Variants in PPARA observed in about 807,000 individuals in gnomAD.
PPARA encodes peroxisome proliferator activated receptor alpha.
PPARA carries 22 observed loss-of-function variants against 42.2 expected under a neutral mutation model. That is an observed-to-expected ratio of 0.52 (90% CI 0.37 to 0.74). PPARA has a LOEUF of 0.74. PPARA is among the 30% of genes least tolerant of loss of function. The pLI, the probability that PPARA is intolerant of heterozygous loss-of-function variation, is 0.00. For missense variants in PPARA, 465 were observed against 608.2 expected (o/e 0.76, Z 2.48); for synonymous variants, 242 against 239.3 (o/e 1.01, Z -0.10).
rs911631804 is a variant in PPARA, at chr22:46,195,092, G to A, written c.-42-3250G>A. Among the ~76,000 whole-genome samples the A allele has an allele frequency of 2.7e-5, 4 of 149,398 alleles. No homozygotes were observed. Among genetic ancestry groups the A allele is most frequent in the Non-Finnish European group, 3.0e-5 (2 of 67,492 alleles). The stretch of plus-strand genomic sequence containing the variant: ...TAATTTTTGTATTTTTAGTAGAGAC[G>A]GGGTTTCACCCTGTTGGCCAGGCTG... On this transcript the variant is annotated intron_variant, in intron 3 of 8. Transcript: ENST00000407236. This position sits in a 1 kb window ranked among gnomAD's most constrained non-coding sequence, Gnocchi z 4.6.
At chr22:46,198,303 T>C (rs1932560274) in intron 3 of PPARA, 39 bp from the exon 4 acceptor site, 1 of 1,053,260 alleles carries the variant, frequency 9.5e-7, no homozygotes, top group Non-Finnish European at 1.5e-6. Flanking sequence ...TGAACGTTGT[T>C]ATACGTCAGT....
chr22:46,158,086 C>G (rs1384234020), intron 2 of PPARA, among the ~76,000 whole-genome samples: 2 of 152,054 alleles, frequency 1.3e-5, no homozygotes, highest in Non-Finnish European at 2.9e-5. Flanking sequence ...AGTTCCCCCA[C>G]CCCCTTTCAT....
At position 46,156,340 on chromosome 22, in the gene PPARA, G is replaced by A. The variant is rs1925287085; in HGVS notation, c.-127+4370G>A. The A allele has an allele frequency of 6.6e-6, 1 of 152,194 alleles. No homozygotes were observed. Among genetic ancestry groups the A allele is most frequent in the African/African-American group, 2.4e-5 (1 of 41,422 alleles). 9.4% of individuals were successfully genotyped at this position (152,194 alleles called of 1,614,324 possible). On this transcript the variant is annotated intron_variant, in intron 2 of 8. Transcript: ENST00000407236. This position sits in a 1 kb window ranked among gnomAD's most constrained non-coding sequence, Gnocchi z 5.2. Reference sequence around the variant, plus strand: ...CCATACCACCTCTCTGAAGGGCTGTGAAGCTCGAAGTGGCAGCTTAAAAAA... The same window carrying A: ...CCATACCACCTCTCTGAAGGGCTGTAAAGCTCGAAGTGGCAGCTTAAAAAA...
In PPARA at chr22:46,177,036, CT is replaced by C. The variant is rs530556389; in HGVS notation, c.-43+201del. On this transcript the variant is annotated intron_variant, in intron 3 of 8. Transcript: ENST00000407236. ...CCATCCTGGCTAACACAGTGAAACC[CT>C]GTCTCTACTACAAATACAAAAAAAT... Among the ~76,000 whole-genome samples, 17 of 152,250 alleles carry C rather than the reference CT, an allele frequency of 1.1e-4. No homozygotes were observed. In the South Asian group the frequency reaches 3.1e-3, roughly 28 times the overall value.
At chr22:46,168,189 A>G (rs1927375652) in intron 2 of PPARA, among the ~76,000 whole-genome samples, 1 of 149,656 alleles carries the variant, frequency 6.7e-6, no homozygotes, top group Non-Finnish European at 1.5e-5. Context: ...CATCTCTACT[A>G]AAAATACAAA....
chr22:46,201,615 A>G (rs1932842776), intron 4 of PPARA, among the ~76,000 whole-genome samples: 1 of 152,082 alleles, frequency 6.6e-6, no homozygotes. Context: ...TTGTTTCCTG[A>G]GCACTGCAGG....
chr22:46,220,037 G>A, intron 7 of PPARA, 23 bp downstream of exon 7: 1 of 1,611,976 alleles, frequency 6.2e-7, no homozygotes, highest in Non-Finnish European at 8.5e-7. Flanking sequence ...GGCTGTTCTG[G>A]GTTCTCTTGG....
Position 46,216,708 on chromosome 22 carries a change from A to G in PPARA, c.369+1375A>G, listed in dbSNP as rs1424003189. On this transcript the variant is annotated intron_variant, in intron 5 of 8. Transcript: ENST00000407236. This position sits in a 1 kb window ranked among gnomAD's most constrained non-coding sequence, Gnocchi z 4.5. ...TGCATCTTCATCCTCCTGCTGGCTC[A>G]GCCTGCCCTAAACAGATGTGACCTG... is the stretch of plus-strand genomic sequence containing the variant. Among the ~76,000 whole-genome samples, 1 of 152,202 alleles carries G rather than the reference A, an allele frequency of 6.6e-6. No homozygotes were observed. Among genetic ancestry groups the G allele is most frequent in the Admixed American group, 6.5e-5 (1 of 15,282 alleles).
intron 4 of PPARA, among the ~76,000 whole-genome samples, chr22:46,207,966 T>A (rs1322536665): frequency 1.3e-5 from 2 of 152,016 alleles, no homozygotes; most frequent in Non-Finnish European, 1.5e-5. Flanking sequence ...ATTACAGGGA[T>A]TACAAGTGTG....
rs1299830266 is a variant in PPARA at position 46,212,793 on chromosome 22, TG to T, written c.209-2379del. ...GGCAGATCACTTGAGGTCAGGAGTT[TG>T]AGACCAGCCTGGCCAACATGGTGAA... is the stretch of plus-strand genomic sequence containing the variant. On this transcript the variant is annotated intron_variant, in intron 4 of 8. Transcript: ENST00000407236. The surrounding 1 kb of genome is among the most constrained non-coding windows in gnomAD (Gnocchi z 4.2). 6.6e-6 allele frequency among the ~76,000 whole-genome samples: 1 copy of T among 152,104 alleles called. No homozygotes were observed. The highest frequency in any genetic ancestry group is 2.4e-5 in the African/African-American group (1 of 41,432).
chr22:46,236,271 CTGTT>C lies in PPARA; in HGVS notation c.*892_*895del, dbSNP rs1936198360. ...AAAAACAAACAAACAAAAAAAAAAT[CTGTT>C]AGATAAGCTATCAAAATGCAGCTGT... is the stretch of plus-strand genomic sequence containing the variant. On this transcript the variant is annotated 3_prime_UTR_variant, in exon 9 of 9. Transcript: ENST00000407236. The surrounding 1 kb of genome is among the most constrained non-coding windows in gnomAD (Gnocchi z 5.2). The C allele has an allele frequency of 6.6e-6, 1 of 152,502 alleles. No individual in the cohort carries two copies. The highest frequency in any genetic ancestry group is 2.4e-5 in the African/African-American group (1 of 41,402). 9.4% of individuals were successfully genotyped at this position (152,502 alleles called of 1,614,324 possible).
intron 4 of PPARA, among the ~76,000 whole-genome samples, chr22:46,205,032 TA>T (rs989172013): frequency 4.6e-5 from 7 of 151,386 alleles, no homozygotes; most frequent in Non-Finnish European, 8.8e-5. Flanking sequence ...CATGCTTGGC[TA>T]ATTTTTTTTT....
Position 46,190,682 on chromosome 22 carries a change from C to G in PPARA, c.-42-7660C>G, listed in dbSNP as rs571559982. ...AGAGGATCACCTGGGCCCGGGAGAT[C>G]AAGGCTGCGGTGAGCCATGATCTTG... On this transcript the variant is annotated intron_variant, in intron 3 of 8. Transcript: ENST00000407236. This position sits in a 1 kb window ranked among gnomAD's most constrained non-coding sequence, Gnocchi z 5.6. Among the ~76,000 whole-genome samples the G allele has an allele frequency of 3.3e-5, 5 of 152,218 alleles. No homozygotes were observed. The highest frequency in any genetic ancestry group is 1.2e-4 in the African/African-American group (5 of 41,552).
chr22:46,158,972 C>A (rs1283140784), intron 2 of PPARA, among the ~76,000 whole-genome samples: 1 of 152,170 alleles, frequency 6.6e-6, no homozygotes, highest in Non-Finnish European at 1.5e-5. Flanking sequence ...TCACTGCAAC[C>A]TCTGCCTCCG....
chr22:46,220,201 C>G, intron 7 of PPARA, 187 bp downstream of exon 7: 3 of 741,112 alleles, frequency 4.0e-6, no homozygotes, highest in Non-Finnish European at 6.9e-6. Flanking sequence ...CTCCTTTCTT[C>G]TTGCTTGGAG....
chr22:46,229,345 G>A (rs933786991), intron 7 of PPARA, among the ~76,000 whole-genome samples: 1 of 151,996 alleles, frequency 6.6e-6, no homozygotes, highest in African/African-American at 2.4e-5. Flanking sequence ...CCTGAGCTCA[G>A]GAGTTCAAGA....
In PPARA at chr22:46,234,846, G is replaced by C. The variant is rs532844049; in HGVS notation, c.1160-287G>C. ...TTTTCTCCCTGACAGGTGGTCATCAGGTAAATCACAAGTGAAAAGGCCGCA... is the reference window on the plus strand; with the variant it reads ...TTTTCTCCCTGACAGGTGGTCATCACGTAAATCACAAGTGAAAAGGCCGCA... On this transcript the variant is annotated intron_variant, in intron 8 of 8. Transcript: ENST00000407236. This position sits in a 1 kb window ranked among gnomAD's most constrained non-coding sequence, Gnocchi z 5.8. Among the ~76,000 whole-genome samples, 2 of 152,160 alleles carry C rather than the reference G, an allele frequency of 1.3e-5. No homozygotes were observed. Among genetic ancestry groups the C allele is most frequent in the Admixed American group, 6.6e-5 (1 of 15,264 alleles).
In PPARA at chr22:46,234,361, T is replaced by C. The variant is rs117865785; in HGVS notation, c.1160-772T>C. ...CTAGCAACCCTGTTAAGAATCATAGTAATGACTGGGTCTGTAAGGGAGCAC... is the reference window on the plus strand; with the variant it reads ...CTAGCAACCCTGTTAAGAATCATAGCAATGACTGGGTCTGTAAGGGAGCAC... On this transcript the variant is annotated intron_variant, in intron 8 of 8. Coordinates refer to ENST00000407236, the MANE Select transcript of PPARA (RefSeq NM_005036.6). The surrounding 1 kb of genome is among the most constrained non-coding windows in gnomAD (Gnocchi z 5.8). Among the ~76,000 whole-genome samples the C allele has an allele frequency of 1.6e-3, 244 of 152,314 alleles. 3 individuals are homozygous for C. Among genetic ancestry groups the C allele is most frequent in the East Asian group, 0.014 (75 of 5,182 alleles).
Position 46,224,375 on chromosome 22 carries a change from T to A in PPARA, c.711+4361T>A, listed in dbSNP as rs1031176438. ...CTGAATCTATTGGCAGAGCTCTGGT[T>A]TTGTGGCCAAGGTGGGTAGTGGAAG... On this transcript the variant is annotated intron_variant, in intron 7 of 8. Transcript: ENST00000407236. The surrounding 1 kb of genome is among the most constrained non-coding windows in gnomAD (Gnocchi z 5.7). 3.0e-4 allele frequency among the ~76,000 whole-genome samples: 45 copies of A among 152,218 alleles called. 1 individual carries two copies. Among genetic ancestry groups the A allele is most frequent in the Non-Finnish European group, 4.4e-5 (3 of 68,030 alleles).
Sources: allele counts gnomAD v4.1 joint callset (sites outside exome capture counted in the v4.1 genomes callset), GRCh38; gene constraint gnomAD v4.1.1; non-coding constraint Gnocchi (gnomAD v3.1); transcripts MANE v1.5; gene names NCBI Gene and HGNC (gene_info 2026-07-23, HGNC 2026-07-21).